The following ROBO1 variants were observed in gnomAD, a reference collection of about 807,000 sequenced individuals.
The protein encoded by ROBO1 is roundabout homolog 1.
In ROBO1, 149 loss-of-function variants were observed where a neutral mutation model predicts 195.9. The observed-to-expected ratio is 0.76, with a 90% CI of 0.67 to 0.87. The LOEUF is 0.87. Among genes scored for constraint, ROBO1 ranks in the 40% least tolerant of loss-of-function variants. The probability of loss-of-function intolerance (pLI) is 0.00; values close to 1 mark genes in which losing one functional copy is unlikely to be tolerated. For missense variants in ROBO1, 1,933 were observed against 2,068.3 expected (o/e 0.93, Z 1.27); for synonymous variants, 816 against 733.2 (o/e 1.11, Z -1.82).
intron 3 of ROBO1, among the ~76,000 whole-genome samples, chr3:79,111,149 C>T (rs1013840407): frequency 5.3e-5 from 8 of 152,010 alleles, no homozygotes; most frequent in African/African-American, 1.9e-4. Flanking sequence ...AACAATATAC[C>T]CAGGTTTTAA....
chr3:79,165,517 G>A (rs570046175), intron 2 of ROBO1, among the ~76,000 whole-genome samples: 6 of 152,282 alleles, frequency 3.9e-5, no homozygotes, highest in Admixed American at 2.6e-4. Flanking sequence ...AAGCTGATTC[G>A]AAGATCAGAA....
chr3:78,606,549 T>G (rs935037432), intron 29 of ROBO1, among the ~76,000 whole-genome samples, 184 bp downstream of exon 29: 28 of 152,218 alleles, frequency 1.8e-4, no homozygotes, highest in Admixed American at 5.2e-4. Context: ...CTCCAGGTGA[T>G]GTTGAGTATA....
chr3:79,624,338 T>A (rs1333100713), intron 1 of ROBO1, among the ~76,000 whole-genome samples: 1 of 152,214 alleles, frequency 6.6e-6, no homozygotes, highest in South Asian at 2.1e-4. Flanking sequence ...ATCAAATACA[T>A]ACATAACAAT....
chr3:78,875,936 G>T (rs1278093758), intron 4 of ROBO1, among the ~76,000 whole-genome samples: 1 of 151,982 alleles, frequency 6.6e-6, no homozygotes, highest in South Asian at 2.1e-4. Flanking sequence ...ATCATCATTT[G>T]CCAAAAGAAC....
intron 28 of ROBO1, among the ~76,000 whole-genome samples, chr3:78,614,013 G>A (rs1207637261): frequency 6.6e-6 from 1 of 152,120 alleles, no homozygotes; most frequent in Non-Finnish European, 1.5e-5. Context: ...AAAATGAGAA[G>A]GTGGTGGTTT....
chr3:79,214,696 C>T (rs771987892), intron 2 of ROBO1, among the ~76,000 whole-genome samples: 5 of 150,174 alleles, frequency 3.3e-5, no homozygotes, highest in African/African-American at 7.3e-5. Flanking sequence ...TTTCTGATTA[C>T]CGTTTCTGTT....
chr3:79,116,321 TTTTTC>T (rs1408873590), intron 3 of ROBO1, among the ~76,000 whole-genome samples: 1 of 151,484 alleles, frequency 6.6e-6, no homozygotes, highest in Non-Finnish European at 1.5e-5. Context: ...CTTCCTTTTC[TTTTTC>T]TTTTCTTTTC....
At chr3:79,312,552 A>G (rs2033536888) in intron 2 of ROBO1, among the ~76,000 whole-genome samples, 1 of 152,206 alleles carries the variant, frequency 6.6e-6, no homozygotes, top group Non-Finnish European at 1.5e-5. Flanking sequence ...TTCCAAGATA[A>G]GGTACTATAC....
chr3:78,944,350 C>T (rs764036939), intron 3 of ROBO1, among the ~76,000 whole-genome samples: 7 of 152,208 alleles, frequency 4.6e-5, no homozygotes, highest in Non-Finnish European at 1.0e-4. Context: ...GATAAAAACA[C>T]CAAGAGCTCT....
chr3:79,107,954 T>C (rs1030924202), intron 3 of ROBO1, among the ~76,000 whole-genome samples: 32 of 151,768 alleles, frequency 2.1e-4, no homozygotes, highest in Non-Finnish European at 4.0e-4. Flanking sequence ...ATAAGCAATG[T>C]AACTTATTCT....
At chr3:78,944,874 G>T (rs79144923) in intron 3 of ROBO1, among the ~76,000 whole-genome samples, 1 of 152,170 alleles carries the variant, frequency 6.6e-6, no homozygotes, top group Non-Finnish European at 1.5e-5. Flanking sequence ...TATCCCGCAC[G>T]TGGCTCACAG....
chr3:79,647,204 T>C (rs1378753992), intron 1 of ROBO1, among the ~76,000 whole-genome samples: 1 of 152,066 alleles, frequency 6.6e-6, no homozygotes, highest in African/African-American at 2.4e-5. Flanking sequence ...TGTACATCTA[T>C]TATATATCGA....
intron 2 of ROBO1, among the ~76,000 whole-genome samples, chr3:79,425,256 C>A (rs146574485): frequency 6.6e-6 from 1 of 152,054 alleles, no homozygotes; most frequent in Non-Finnish European, 1.5e-5. Flanking sequence ...TTGTTAGAAA[C>A]GGACCACGCT....
At position 78,638,923 on chromosome 3, in the gene ROBO1, T is replaced by C. The variant is rs147974192; in HGVS notation, c.3037+821A>G. Among the ~76,000 whole-genome samples, 235 of 151,990 alleles carry C rather than the reference T, an allele frequency of 1.5e-3. 1 individual carries two copies. Among genetic ancestry groups the C allele is most frequent in the Non-Finnish European group, 2.8e-3 (189 of 67,944 alleles). The stretch of plus-strand genomic sequence containing the variant: ...GTAAAAGAAATTGTAATCACATACA[T>C]TCTTATCAACATAAATACATTTGAC... On this transcript the variant is annotated intron_variant, in intron 22 of 30. Transcript: ENST00000464233.
intron 1 of ROBO1, among the ~76,000 whole-genome samples, chr3:79,605,902 T>C (rs1184551556): frequency 6.6e-6 from 1 of 151,844 alleles, no homozygotes; most frequent in Non-Finnish European, 1.5e-5. Context: ...GCTTTTTCAA[T>C]GCTTTCGAGT....
intron 4 of ROBO1, among the ~76,000 whole-genome samples, chr3:78,860,139 G>GCAGATAGA (rs1553750278): frequency 2.1e-5 from 3 of 141,976 alleles, no homozygotes; most frequent in African/African-American, 7.9e-5. Flanking sequence ...AGGTAGATAG[G>GCAGATAGA]TAGATAGATA....
intron 2 of ROBO1, among the ~76,000 whole-genome samples, chr3:79,547,445 C>A (rs1942313149): frequency 6.6e-6 from 1 of 151,988 alleles, no homozygotes; most frequent in African/African-American, 2.4e-5. Context: ...CATTTAATTT[C>A]TGTTCATTCT....
At chr3:79,738,716 T>C (rs566994654) in intron 1 of ROBO1, among the ~76,000 whole-genome samples, 1 of 152,312 alleles carries the variant, frequency 6.6e-6, no homozygotes, top group African/African-American at 2.4e-5. Context: ...CACCAAGTCT[T>C]ATAAGAAAAT....
chr3:79,185,463 T>C (rs918146728), intron 2 of ROBO1, among the ~76,000 whole-genome samples: 2 of 152,186 alleles, frequency 1.3e-5, no homozygotes, highest in Non-Finnish European at 1.5e-5. Flanking sequence ...CGTTTGATGA[T>C]TCTTACCATC....
Sources: gnomAD v4.1 joint callset for allele counts (sites outside exome capture counted in the v4.1 genomes callset) on GRCh38, gnomAD v4.1.1 for gene constraint, MANE v1.5 for transcripts, NCBI Gene and HGNC (gene_info 2026-07-23, HGNC 2026-07-21) for gene names.